Variants in LILRB5 observed in about 807,000 individuals in gnomAD.
LILRB5 encodes the protein leukocyte immunoglobulin like receptor B5.
Under a neutral mutation model 68.4 loss-of-function variants are expected in LILRB5, and 61 were observed. That is an observed-to-expected ratio of 0.89 (90% confidence interval 0.73 to 1.10). LILRB5 has a LOEUF of 1.10. Among genes scored for constraint, LILRB5 ranks in the 50% least tolerant of loss-of-function variants. LILRB5 has a pLI of 0.00. For synonymous variants in LILRB5, 356 were observed against 315.8 expected (o/e 1.13, Z -1.35); for missense variants, 771 against 751.6 (o/e 1.03, Z -0.30).
intron 4 of LILRB5, 173 bp downstream of exon 4, chr19:54,255,870 G>A: frequency 1.5e-6 from 1 of 662,932 alleles, no homozygotes; most frequent in Non-Finnish European, 2.5e-6. Context: ...AGGTGAGGGT[G>A]ACTCAGGCTC....
chr19:54,250,053 C>CAAA lies in LILRB5; in HGVS notation c.*730_*732dup, dbSNP rs1329758938. 2.0e-5 allele frequency: 3 copies of CAAA among 152,478 alleles called. No individual in the cohort carries two copies. The highest frequency in any genetic ancestry group is 2.1e-4 in the South Asian group (1 of 4,840). 9.4% of individuals were successfully genotyped at this position (152,478 alleles called of 1,614,324 possible). On this transcript the variant is annotated 3_prime_UTR_variant, in exon 13 of 13. Coordinates refer to ENST00000449561, the MANE Select transcript of LILRB5 (RefSeq NM_001081442.3). ...TCTCAAAAAACAAAACAAAACAAAA[C>CAAA]AAAAACCCTCACACAAAAACCAAGA...
rs970046937 is a variant in LILRB5 at position 54,249,562 on chromosome 19, A to G, written c.*1224T>C. On this transcript the variant is annotated 3_prime_UTR_variant, in exon 13 of 13. Coordinates refer to ENST00000449561, the MANE Select transcript of LILRB5 (RefSeq NM_001081442.3). ...AGAGTGTAGCATAGAAACTTTATAA[A>G]TTGCAATTTAAAGTACTTGGGAGAA... The G allele has an allele frequency of 1.3e-5, 2 of 152,242 alleles. No homozygotes were observed. Among genetic ancestry groups the G allele is most frequent in the African/African-American group, 4.8e-5 (2 of 41,462 alleles). The allele number at this position is 152,242 out of a possible 1,614,324, so 9.4% of individuals were successfully genotyped here.
Position 54,254,044 on chromosome 19 carries a change from G to A in LILRB5, c.1331C>T (p.Thr444Ile). Residue 444 changes from threonine (T) to isoleucine (I), a missense_variant, in exon 8 of 13, where the codon ACC becomes ATC. Transcript: ENST00000449561. The stretch of plus-strand genomic sequence containing the variant: ...ACTCTGGGGATCCAACCCCGTGGGG[G>A]TGAGGGGCTGGTCCTCAGGGCCTGC... Reference protein sequence around the residue: ...TPAGPEDQPLTPTGLDPQSGL... With the variant: ...TPAGPEDQPLIPTGLDPQSGL... 3.8e-6 allele frequency: 6 copies of A among 1,597,900 alleles called. No homozygotes were observed. Among genetic ancestry groups the A allele is most frequent in the Non-Finnish European group, 5.1e-6 (6 of 1,171,998 alleles).
chr19:54,251,445 G>T, intron 12 of LILRB5: 1 of 558,662 alleles, frequency 1.8e-6, no homozygotes, highest in Non-Finnish European at 3.3e-6. Flanking sequence ...CTGCCTGCAG[G>T]GGCTCGTCCA....
At chr19:54,253,950 C>T in intron 8 of LILRB5, 68 bp downstream of exon 8, 1 of 1,553,910 alleles carries the variant, frequency 6.4e-7, no homozygotes, top group South Asian at 1.2e-5. Context: ...GGAGCCTGAA[C>T]CTACGACAGA....
At chr19:54,252,448 C>A in intron 10 of LILRB5, 38 bp downstream of exon 10, 2 of 1,613,852 alleles carry the variant, frequency 1.2e-6, no homozygotes, top group Admixed American at 1.7e-5. Context: ...GGGGGCTGTG[C>A]GGGTGGATGG....
chr19:54,253,228 T>C lies in LILRB5; in HGVS notation c.1358-241A>G, dbSNP rs1240879221. 11 of 225,596 alleles carry C rather than the reference T, an allele frequency of 4.9e-5. No individual in the cohort carries two copies. The Admixed American group carries it at 5.8e-4, about 12-fold the overall frequency. The allele number at this position is 225,596 out of a possible 1,614,324, so 14.0% of individuals were successfully genotyped here. ...GGAAGGGAACCAGGGACTTTGTGTT[T>C]TCCCCAGCTGTCCTCCTGCTGCCCC... On this transcript the variant is annotated intron_variant, in intron 8 of 12. Transcript: ENST00000449561.
rs746817445 is a variant in LILRB5 at position 54,254,998 on chromosome 19, C to T, written c.992G>A (p.Gly331Asp). ...PDIPALSVQP[G>D]PKVASGENVT... ...GTTCTCTCCTGAGGCCACCTTGGGG[C>T]CCGGCTGCACCGAGAGGGCGGGTAT... Residue 331 changes from glycine to aspartate, a missense_variant, in exon 6 of 13, where the codon GGC (glycine) becomes GAC (aspartate). Gly to Asp is a moderately conservative substitution (Grantham distance 94, BLOSUM62 -1). Coordinates refer to ENST00000449561, the MANE Select transcript of LILRB5 (RefSeq NM_001081442.3). 2.4e-5 allele frequency: 39 copies of T among 1,611,918 alleles called. No individual in the cohort carries two copies. Among genetic ancestry groups the T allele is most frequent in the Middle Eastern group, 3.3e-4 (2 of 6,042 alleles).
intron 7 of LILRB5, 144 bp from the exon 8 acceptor site, chr19:54,254,212 C>G (rs561939835): frequency 2.0e-6 from 3 of 1,473,706 alleles, no homozygotes; most frequent in Non-Finnish European, 1.8e-6. Context: ...CTCAGAGCCC[C>G]GGGGAGCCTG....
rs1228213189 is a variant in LILRB5 at position 54,254,764 on chromosome 19, G to C, written c.1226C>G (p.Pro409Arg). ...GACCACGAGCTCCTGGGGGTAACTA[G>C]GGCTGGACAGCAGGTAGGGGTAGGA... ...IRSYPYLLSS[P>R]SYPQELVVSG... Residue 409 changes from proline to arginine, a missense_variant, in exon 6 of 13, where the codon CCT becomes CGT. Physicochemically the swap from Pro to Arg is moderately radical, Grantham distance 103. Coordinates refer to ENST00000449561, the MANE Select transcript of LILRB5 (RefSeq NM_001081442.3). 6.2e-7 allele frequency: 1 copy of C among 1,614,012 alleles called. No individual in the cohort carries two copies. Among genetic ancestry groups the C allele is most frequent in the Non-Finnish European group, 8.5e-7 (1 of 1,180,006 alleles).
In LILRB5 at chr19:54,250,646, A is replaced by C; in HGVS notation, c.*140T>G. The C allele has an allele frequency of 9.6e-7, 1 of 1,040,006 alleles. No homozygotes were observed. The highest frequency in any genetic ancestry group is 1.6e-5 in the South Asian group (1 of 62,356). 64.4% of individuals were successfully genotyped at this position (1,040,006 alleles called of 1,614,324 possible). A position where few individuals can be genotyped will look rare whatever the true frequency, so the allele number is the denominator to read the frequency against. On this transcript the variant is annotated 3_prime_UTR_variant, in exon 13 of 13. Coordinates refer to ENST00000449561, the MANE Select transcript of LILRB5 (RefSeq NM_001081442.3). ...GACTGCAGAATCTAGTGAGTCCCAGAGTTCCCAGGATGTCCTGGTGGTCTT... is the reference window on the plus strand; with the variant it reads ...GACTGCAGAATCTAGTGAGTCCCAGCGTTCCCAGGATGTCCTGGTGGTCTT...
intron 4 of LILRB5, 66 bp from the exon 5 acceptor site, chr19:54,255,648 C>T (rs993497306): frequency 6.7e-7 from 1 of 1,497,970 alleles, no homozygotes; most frequent in African/African-American, 1.4e-5. Flanking sequence ...TTCTCCCGTC[C>T]TGGCGTCCTG....
chr19:54,256,732 C>G lies in LILRB5; in HGVS notation c.112G>C (p.Val38Leu), dbSNP rs1359865166. ...GTCACGGGCTTCCCCCGAGCTATCA[C>G]AGAGGCTGGCTCAGCCCAGAGGGTG... ...KPTLWAEPASVIARGKPVTLW... is the reference protein window; with the variant it reads ...KPTLWAEPASLIARGKPVTLW... The change falls in exon 3 of 13, where the codon GTG (valine) becomes CTG (leucine). Residue 38 changes from valine (V) to leucine (L), a missense_variant. Transcript: ENST00000449561. 1 of 1,614,014 alleles carries G rather than the reference C, an allele frequency of 6.2e-7. No individual in the cohort carries two copies. Among genetic ancestry groups the G allele is most frequent in the Non-Finnish European group, 8.5e-7 (1 of 1,180,018 alleles).
Position 54,255,321 on chromosome 19 carries a change from G to A in LILRB5, c.917C>T (p.Ser306Leu), listed in dbSNP as rs773335102. The change falls in exon 5 of 13, where the codon TCG (serine) becomes TTG (leucine). Residue 306 changes from serine (S) to leucine (L), a missense_variant. By Grantham distance (145) the Ser-to-Leu change is moderately radical. Coordinates refer to ENST00000449561, the MANE Select transcript of LILRB5 (RefSeq NM_001081442.3). ...YGAHNLSPRW[S>L]APSDPLDILI... ...GATGTCCAGGGGGTCGCTGGGGGCC[G>A]ACCACCTAGGGGAGAGGTTGTGTGC... 1.7e-5 allele frequency: 27 copies of A among 1,613,588 alleles called. No homozygotes were observed. Among genetic ancestry groups the A allele is most frequent in the African/African-American group, 5.3e-5 (4 of 74,900 alleles).
At chr19:54,252,295 T>G in intron 11 of LILRB5, 71 bp downstream of exon 11, 1 of 1,495,344 alleles carries the variant, frequency 6.7e-7, no homozygotes, top group Non-Finnish European at 9.3e-7. Context: ...CCTGTGCTCC[T>G]GCCCCCATTG....
rs1444587900 is a variant in LILRB5 at position 54,252,387 on chromosome 19, C to A, written c.1555G>T (p.Asp519Tyr). Residue 519 changes from aspartate (D) to tyrosine (Y), a missense_variant, in exon 11 of 13, where the codon GAC becomes TAC. By Grantham distance (160) the Asp-to-Tyr change is radical. Transcript: ENST00000449561. ...TCACTGAGAATTTCCTCCTGGATGT[C>A]AGCAACTGGGCTGGCCCTGGGGGAG... ...GLQKRASPVA[D>Y]IQEEILNAAV... The A allele has an allele frequency of 6.2e-7, 1 of 1,614,122 alleles. No individual in the cohort carries two copies. The highest frequency in any genetic ancestry group is 2.2e-5 in the East Asian group (1 of 44,872).
Position 54,250,628 on chromosome 19 carries a change from G to T in LILRB5, c.*158C>A. ...AGGATATTAGTCATCTTTGACTGCA[G>T]AATCTAGTGAGTCCCAGAGTTCCCA... is the stretch of plus-strand genomic sequence containing the variant. On this transcript the variant is annotated 3_prime_UTR_variant, in exon 13 of 13. Transcript: ENST00000449561. 1 of 842,270 alleles carries T rather than the reference G, an allele frequency of 1.2e-6. No individual in the cohort carries two copies. The highest frequency in any genetic ancestry group is 1.8e-6 in the Non-Finnish European group (1 of 545,210). The allele number at this position is 842,270 out of a possible 1,614,324, so 52.2% of individuals were successfully genotyped here.
Position 54,250,164 on chromosome 19 carries a change from G to A in LILRB5, c.*622C>T, listed in dbSNP as rs2078900230. 2.0e-5 allele frequency: 3 copies of A among 152,686 alleles called. No homozygotes were observed. Among genetic ancestry groups the A allele is most frequent in the Admixed American group, 2.0e-4 (3 of 15,332 alleles). 9.5% of individuals were successfully genotyped at this position (152,686 alleles called of 1,614,324 possible). Reference sequence around the variant, plus strand: ...AAAGTGAAAAAAATAAAGGCAATATGTGTCAGATTTGTGGTGGTGTCTGCT... The same window carrying A: ...AAAGTGAAAAAAATAAAGGCAATATATGTCAGATTTGTGGTGGTGTCTGCT... On this transcript the variant is annotated 3_prime_UTR_variant, in exon 13 of 13. Coordinates refer to ENST00000449561, the MANE Select transcript of LILRB5 (RefSeq NM_001081442.3).
In LILRB5 at chr19:54,250,692, T is replaced by C; in HGVS notation, c.*94A>G. 3 of 1,521,220 alleles carry C rather than the reference T, an allele frequency of 2.0e-6. No homozygotes were observed. The South Asian group carries it at 3.6e-5, about 18-fold the overall frequency. 94.2% of individuals were successfully genotyped at this position (1,521,220 alleles called of 1,614,324 possible). On this transcript the variant is annotated 3_prime_UTR_variant, in exon 13 of 13. Transcript: ENST00000449561. Reference sequence around the variant, plus strand: ...GTCTTTGTTAGGGGTCCAGGCTGGCTGGGGTTCATTGGTGTCCACTGGGGG... The same window carrying C: ...GTCTTTGTTAGGGGTCCAGGCTGGCCGGGGTTCATTGGTGTCCACTGGGGG...
Sources: gnomAD v4.1 joint callset for allele counts on GRCh38, gnomAD v4.1.1 for gene constraint, MANE v1.5 for transcripts, NCBI Gene and HGNC (gene_info 2026-07-23, HGNC 2026-07-21) for gene names.